The following CHST11 variants were observed in gnomAD, a reference collection of about 807,000 sequenced individuals.
The protein encoded by CHST11 is C4S-1.
CHST11 carries 9 observed loss-of-function variants against 30.4 expected under a neutral mutation model. The observed-to-expected ratio is 0.30, with a 90% CI of 0.18 to 0.52. The LOEUF (loss-of-function observed/expected upper bound fraction) is 0.52, where lower values mean the gene tolerates loss of function less well. Among genes scored for constraint, CHST11 ranks in the 20% least tolerant of loss-of-function variants. The pLI is 0.97. For synonymous variants in CHST11, 152 were observed against 187.8 expected (o/e 0.81, Z 1.56); for missense variants, 348 against 460.6 (o/e 0.76, Z 2.24).
At chr12:104,695,692 A>C (rs946948728) in intron 2 of CHST11, among the ~76,000 whole-genome samples, 1 of 152,100 alleles carries the variant, frequency 6.6e-6, no homozygotes, top group African/African-American at 2.4e-5. Context: ...AGATTTTTTT[A>C]ATTCTGTGAC....
At chr12:104,457,569 T>C (rs1565948422) in intron 1 of CHST11, 40 bp downstream of exon 1, 4 of 1,390,764 alleles carry the variant, frequency 2.9e-6, no homozygotes, top group Admixed American at 1.7e-5. Context: ...GATATTTTCT[T>C]CTCTCTCGCG....
chr12:104,686,107 C>T (rs368825517), intron 2 of CHST11, among the ~76,000 whole-genome samples: 1 of 151,928 alleles, frequency 6.6e-6, no homozygotes, highest in Non-Finnish European at 1.5e-5. Flanking sequence ...GTGGTGCATA[C>T]CCGTAGTCCT....
At chr12:104,703,863 C>CA (rs903073353) in intron 2 of CHST11, among the ~76,000 whole-genome samples, 1 of 152,234 alleles carries the variant, frequency 6.6e-6, no homozygotes, top group African/African-American at 2.4e-5. Flanking sequence ...GGCCTCTGCT[C>CA]AAAAAATCAC....
chr12:104,733,822 C>G (rs2040275914), intron 2 of CHST11, among the ~76,000 whole-genome samples: 1 of 152,204 alleles, frequency 6.6e-6, no homozygotes, highest in Admixed American at 6.5e-5. Flanking sequence ...AGGAGGGGAA[C>G]CCTGCTTTTG....
intron 2 of CHST11, among the ~76,000 whole-genome samples, chr12:104,653,401 A>G (rs1429815718): frequency 6.6e-6 from 1 of 152,196 alleles, no homozygotes; most frequent in Non-Finnish European, 1.5e-5. Context: ...GTTCATAGAC[A>G]TTTGGCTTTC....
intron 2 of CHST11, among the ~76,000 whole-genome samples, chr12:104,698,975 G>A (rs146261513): frequency 4.3e-4 from 66 of 152,238 alleles, no homozygotes; most frequent in African/African-American, 1.6e-3. Flanking sequence ...TATGAATTAG[G>A]GAAGACTCTT....
At chr12:104,681,991 C>T (rs11112166) in intron 2 of CHST11, among the ~76,000 whole-genome samples, 3,309 of 151,576 alleles carry the variant, frequency 0.022, 132 homozygotes, top group East Asian at 0.2. Context: ...CCACCACACC[C>T]GGCTAATTTT....
At chr12:104,501,058 C>A (rs898587596) in intron 1 of CHST11, among the ~76,000 whole-genome samples, 5 of 152,142 alleles carry the variant, frequency 3.3e-5, no homozygotes, top group African/African-American at 1.2e-4. Flanking sequence ...TTCATTATGC[C>A]TTCGGAGTCC....
At chr12:104,570,381 C>T (rs1022457005) in intron 1 of CHST11, among the ~76,000 whole-genome samples, 50 of 152,180 alleles carry the variant, frequency 3.3e-4, no homozygotes, top group African/African-American at 1.2e-3. Context: ...AAACCTTCCA[C>T]ACTCCAGCAG....
intron 2 of CHST11, among the ~76,000 whole-genome samples, chr12:104,681,096 C>G (rs1177581167): frequency 6.6e-6 from 1 of 152,226 alleles, no homozygotes; most frequent in Non-Finnish European, 1.5e-5. Context: ...CTTGCAGTCT[C>G]TTACCAGCCT....
In CHST11 at chr12:104,458,694, G is replaced by T. The variant is rs2037380072; in HGVS notation, c.118+1165G>T. ...GTTGGCTCAGAAATCCATTTTCTAC[G>T]CCTCCGAGTTGCCTTTCTCAGCGTA... On this transcript the variant is annotated intron_variant, in intron 1 of 2. Transcript: ENST00000303694. This position sits in a 1 kb window ranked among gnomAD's most constrained non-coding sequence, Gnocchi z 5.7. 6.6e-6 allele frequency among the ~76,000 whole-genome samples: 1 copy of T among 152,260 alleles called. No homozygotes were observed. The highest frequency in any genetic ancestry group is 2.4e-5 in the African/African-American group (1 of 41,472).
intron 2 of CHST11, among the ~76,000 whole-genome samples, chr12:104,715,918 C>G (rs1030244714): frequency 6.6e-6 from 1 of 152,232 alleles, no homozygotes; most frequent in African/African-American, 2.4e-5. Context: ...CTAACCTGAC[C>G]TATAGCAGTA....
chr12:104,687,434 C>T (rs2039856532), intron 2 of CHST11, among the ~76,000 whole-genome samples: 1 of 152,204 alleles, frequency 6.6e-6, no homozygotes, highest in Non-Finnish European at 1.5e-5. Context: ...AGCGCTTTAC[C>T]TGAGTTATCT....
chr12:104,729,868 C>T lies in CHST11; in HGVS notation c.205-27081C>T, dbSNP rs2040243508. 6.6e-6 allele frequency among the ~76,000 whole-genome samples: 1 copy of T among 152,156 alleles called. No homozygotes were observed. On this transcript the variant is annotated intron_variant, in intron 2 of 2. Transcript: ENST00000303694. The surrounding 1 kb of genome is among the most constrained non-coding windows in gnomAD (Gnocchi z 4.0). ...GGAGCCCCTGGTGAGCAAGGTCCAC[C>T]AGGTGGGAGGGCAAGGCCTCCTCCT...
intron 1 of CHST11, among the ~76,000 whole-genome samples, chr12:104,537,670 C>A (rs1354486186): frequency 6.7e-6 from 1 of 149,742 alleles, no homozygotes; most frequent in Non-Finnish European, 1.5e-5. Flanking sequence ...TAGTTTTCAT[C>A]TGCTCCTCCC....
intron 2 of CHST11, among the ~76,000 whole-genome samples, chr12:104,691,319 G>T (rs1358633555): frequency 6.6e-6 from 1 of 152,148 alleles, no homozygotes; most frequent in African/African-American, 2.4e-5. Flanking sequence ...GAGGGCGTCA[G>T]GTGGGTGCTA....
intron 1 of CHST11, among the ~76,000 whole-genome samples, chr12:104,530,419 G>A (rs2038171657): frequency 1.3e-5 from 2 of 152,140 alleles, no homozygotes; most frequent in Non-Finnish European, 1.5e-5. Context: ...CTCTGTCCCT[G>A]TCTTGAGACC....
At chr12:104,641,405 C>T (rs2039375809) in intron 2 of CHST11, among the ~76,000 whole-genome samples, 1 of 152,178 alleles carries the variant, frequency 6.6e-6, no homozygotes, top group Admixed American at 6.5e-5. Context: ...CTAGATGCTG[C>T]CACAGGGTCA....
At chr12:104,725,759 A>G (rs999438318) in intron 2 of CHST11, among the ~76,000 whole-genome samples, 1 of 151,840 alleles carries the variant, frequency 6.6e-6, no homozygotes, top group Admixed American at 6.6e-5. Context: ...CACACCAGGG[A>G]TTGGTTTTCT....
Sources: gnomAD v4.1 joint callset for allele counts (sites outside exome capture counted in the v4.1 genomes callset) on GRCh38, gnomAD v4.1.1 for gene constraint, Gnocchi (gnomAD v3.1) non-coding constraint, MANE v1.5 for transcripts, NCBI Gene and HGNC (gene_info 2026-07-23, HGNC 2026-07-21) for gene names.